The following NBPF9 variants were observed in gnomAD, a reference collection of about 807,000 sequenced individuals.
The protein encoded by NBPF9 is NBPF member 9, also known as NBPF family member NBPF9.
Under a neutral mutation model 97.8 loss-of-function variants are expected in NBPF9, and 91 were observed. The observed-to-expected ratio is 0.93, with a 90% CI of 0.79 to 1.11. The LOEUF is 1.11. Ranked by LOEUF, NBPF9 falls within the 50% of genes least tolerant of loss-of-function variation. The pLI is 0.00. For synonymous variants in NBPF9, 334 were observed against 359.5 expected (o/e 0.93, Z 0.80); for missense variants, 992 against 939.5 (o/e 1.06, Z -0.73).
chr1:149,081,051 G>A (rs1309028945), intron 7 of NBPF9, among the ~76,000 whole-genome samples: 1 of 151,924 alleles, frequency 6.6e-6, no homozygotes, highest in Non-Finnish European at 1.5e-5. Flanking sequence ...ACAAGAGCCT[G>A]TGCACCAGGA....
chr1:149,070,834 G>A (rs2079347732), intron 16 of NBPF9, 100 bp downstream of exon 16: 2 of 1,425,788 alleles, frequency 1.4e-6, no homozygotes, highest in African/African-American at 1.4e-5. Flanking sequence ...ACCCATCACA[G>A]TTTTTTATTC....
rs1373594245 is a variant in NBPF9, at chr1:149,072,853, A to AG, written c.1170dup (p.Ser391LeufsTer6). 5 of 1,604,356 alleles carry AG rather than the reference A, an allele frequency of 3.1e-6. No homozygotes were observed. Among genetic ancestry groups the AG allele is most frequent in the Admixed American group, 1.7e-5 (1 of 59,872 alleles). On this transcript the variant is annotated frameshift_variant, in exon 14 of 30. Coordinates refer to ENST00000584027, the Ensembl canonical transcript of NBPF9. LOFTEE classifies it high-confidence loss of function. The stretch of plus-strand genomic sequence containing the variant: ...TGGAGATGCTCATTCAATGAGCGGG[A>AG]GGCATCTCTCCCTTCCCGCAACTTC...
At chr1:149,087,376 T>C (rs183009304) in intron 5 of NBPF9, among the ~76,000 whole-genome samples, 2 of 149,194 alleles carry the variant, frequency 1.3e-5, no homozygotes, top group African/African-American at 4.9e-5. Context: ...TGTGTATACA[T>C]ATATATATGT....
chr1:149,089,586 A>G (rs1575870697), intron 5 of NBPF9, among the ~76,000 whole-genome samples: 1 of 152,418 alleles, frequency 6.6e-6, no homozygotes, highest in East Asian at 1.9e-4. Flanking sequence ...ATCTGTGGGA[A>G]GGAGGAGGGG....
At chr1:149,092,922 G>C (rs1368951062) in intron 4 of NBPF9, 1 of 174,564 alleles carries the variant, frequency 5.7e-6, no homozygotes, top group Admixed American at 6.5e-5. Flanking sequence ...TTTCTCATTA[G>C]GTGGAAGGAG....
rs1370610776 is a variant in NBPF9, at chr1:149,059,604, G to T, written c.2585+96C>A. The T allele has an allele frequency of 1.7e-5, 9 of 515,370 alleles. 4 individuals carry two copies. Among genetic ancestry groups the T allele is most frequent in the Admixed American group, 2.8e-5 (1 of 35,326 alleles). 31.9% of individuals were successfully genotyped at this position (515,370 alleles called of 1,614,324 possible). On this transcript the variant is annotated intron_variant, in intron 25 of 29. Coordinates refer to ENST00000584027, the Ensembl canonical transcript of NBPF9. ...TGACAGTAGGAGTAATTCAGCCTTC[G>T]TTGAAAACGTGACATCAAACACACT...
At chr1:149,081,012 T>A (rs1163294484) in intron 7 of NBPF9, among the ~76,000 whole-genome samples, 1 of 151,782 alleles carries the variant, frequency 6.6e-6, no homozygotes, top group African/African-American at 2.4e-5. Flanking sequence ...CCACACATTC[T>A]CGGGTGTGAT....
intron 21 of NBPF9, 143 bp from the exon 22 acceptor site, chr1:149,062,408 A>C (rs1157058038): frequency 1.5e-6 from 1 of 678,296 alleles, no homozygotes; most frequent in African/African-American, 1.9e-5. Context: ...TATTGCCTTT[A>C]GGTTGGGATA....
chr1:149,079,010 G>C (rs782709007), exon 9 of NBPF9: 1 of 1,460,502 alleles, frequency 6.8e-7, no homozygotes, highest in African/African-American at 1.4e-5. Flanking sequence ...ACCTTACCTG[G>C]GCTGAGCTTT....
At chr1:149,062,379 C>T in intron 21 of NBPF9, 114 bp from the exon 22 acceptor site, 1 of 661,210 alleles carries the variant, frequency 1.5e-6, no homozygotes, top group South Asian at 1.6e-5. Context: ...AGGACAGATC[C>T]ATTAATGAGG....
In NBPF9 at chr1:149,074,632, G is replaced by C. The variant is rs1233861166; in HGVS notation, c.989-762C>G. The stretch of plus-strand genomic sequence containing the variant: ...GAGGGACAGACAAGACAAGCAACTT[G>C]GATGGAGCCCAGGAGACAGGCCCAC... On this transcript the variant is annotated intron_variant, in intron 12 of 29. Coordinates refer to ENST00000584027, the Ensembl canonical transcript of NBPF9. 1.3e-5 allele frequency among the ~76,000 whole-genome samples: 2 copies of C among 151,070 alleles called. 1 individual carries two copies. Among genetic ancestry groups the C allele is most frequent in the Non-Finnish European group, 3.0e-5 (2 of 67,616 alleles).
At chr1:149,053,735 T>C (rs1462089325), downstream of NBPF9, among the ~76,000 whole-genome samples, 1 of 135,204 alleles carries the variant, frequency 7.4e-6, no homozygotes, top group African/African-American at 2.9e-5. Flanking sequence ...GACTGTTGTA[T>C]GGAAATATTT....
At chr1:149,084,593 G>A (rs1480415861) in intron 5 of NBPF9, among the ~76,000 whole-genome samples, 44 of 150,814 alleles carry the variant, frequency 2.9e-4, no homozygotes, top group African/African-American at 1.0e-3. Flanking sequence ...CTGCAGCAAC[G>A]CAACGGCCAG....
At chr1:149,088,638 T>A (rs2081201742) in intron 5 of NBPF9, among the ~76,000 whole-genome samples, 1 of 151,446 alleles carries the variant, frequency 6.6e-6, no homozygotes, top group South Asian at 2.1e-4. Context: ...AGTTTTCAAT[T>A]TTGCCAAATG....
In NBPF9 at chr1:149,058,195, C is replaced by A. The variant is rs1553649401; in HGVS notation, c.2779G>T (p.Glu927Ter). 2.2e-5 allele frequency: 10 copies of A among 445,214 alleles called. No individual in the cohort carries two copies. Among genetic ancestry groups the A allele is most frequent in the South Asian group, 2.1e-4 (10 of 48,032 alleles). 27.6% of individuals were successfully genotyped at this position (445,214 alleles called of 1,614,324 possible). A position where few individuals can be genotyped will look rare whatever the true frequency, so the allele number is the denominator to read the frequency against. ...CATGGTGGGCCTTGGTCTTCTTCCT[C>A]TTCTTGGTCCTTTTTAATTCCTGCA... Residue 927 changes from glutamate (E) to a stop codon, truncating the protein, a stop_gained, in exon 27 of 30, where the codon GAG becomes TAG. Coordinates refer to ENST00000584027, the Ensembl canonical transcript of NBPF9. LOFTEE classifies it high-confidence loss of function.
intron 17 of NBPF9, among the ~76,000 whole-genome samples, chr1:149,069,163 G>T: frequency 6.6e-6 from 1 of 150,830 alleles, no homozygotes; most frequent in Non-Finnish European, 1.5e-5. Context: ...GCCCACAAGA[G>T]AAAGCAGAAA....
chr1:149,100,371 T>C (rs1437313943), intron 3 of NBPF9, among the ~76,000 whole-genome samples: 1 of 83,574 alleles, frequency 1.2e-5, no homozygotes, highest in African/African-American at 5.0e-5. Flanking sequence ...GACAATCATT[T>C]ATAAATTATC....
At chr1:149,081,176 A>G (rs1461587485) in intron 7 of NBPF9, among the ~76,000 whole-genome samples, 1 of 151,982 alleles carries the variant, frequency 6.6e-6, no homozygotes, top group Non-Finnish European at 1.5e-5. Flanking sequence ...CTGGAGTGCA[A>G]TAGTGCAATC....
intron 9 of NBPF9, 119 bp downstream of exon 9, chr1:149,078,888 G>A (rs1316836688): frequency 2.0e-5 from 32 of 1,581,180 alleles, no homozygotes; most frequent in Non-Finnish European, 2.7e-5. Context: ...TCGTGTCATG[G>A]CCACATATGT....
Sources: allele counts gnomAD v4.1 joint callset (sites outside exome capture counted in the v4.1 genomes callset), GRCh38; gene constraint gnomAD v4.1.1; transcripts MANE v1.5; gene names NCBI Gene and HGNC (gene_info 2026-07-23, HGNC 2026-07-21).